Variants in RBMS1 observed in about 807,000 individuals in gnomAD.
The protein encoded by RBMS1 is RNA-binding motif, single-stranded-interacting protein 1.
RBMS1 carries 17 observed loss-of-function variants against 62.3 expected under a neutral mutation model. The ratio of observed to expected loss-of-function variants is 0.27; its 90% CI spans 0.19 to 0.41. The LOEUF is 0.41. Among genes scored for constraint, RBMS1 ranks in the 10% least tolerant of loss-of-function variants. The pLI is 1.00. For synonymous variants in RBMS1, 172 were observed against 170.0 expected (o/e 1.01, Z -0.09); for missense variants, 334 against 504.5 (o/e 0.66, Z 3.24).
At chr2:160,486,892 A>G (rs1273306357) in intron 1 of RBMS1, among the ~76,000 whole-genome samples, 2 of 152,210 alleles carry the variant, frequency 1.3e-5, no homozygotes, top group East Asian at 1.9e-4. Context: ...AGAAATAAAC[A>G]TCATTCCAAA....
intron 1 of RBMS1, among the ~76,000 whole-genome samples, chr2:160,436,407 T>C (rs974551756): frequency 6.6e-6 from 1 of 152,218 alleles, no homozygotes; most frequent in Non-Finnish European, 1.5e-5. Context: ...ACCTTCCTAA[T>C]ATTCTAGCCC....
In RBMS1 at chr2:160,442,473, C is replaced by T. The variant is rs528124540; in HGVS notation, c.75+50816G>A. ...ACATGTAAGTTGTACATGCCCACGC[C>T]ATGCTGATTTTATTTTCTGCTGCAT... On this transcript the variant is annotated intron_variant, in intron 1 of 13. Transcript: ENST00000348849. Among the ~76,000 whole-genome samples, 18 of 152,298 alleles carry T rather than the reference C, an allele frequency of 1.2e-4. No homozygotes were observed. The South Asian group carries it at 3.7e-3, about 32-fold the overall frequency.
chr2:160,352,177 T>C (rs1692553172), intron 2 of RBMS1, among the ~76,000 whole-genome samples: 1 of 152,150 alleles, frequency 6.6e-6, no homozygotes, highest in South Asian at 2.1e-4. Flanking sequence ...AGAGAAGTTC[T>C]GTTTTTCCCA....
At chr2:160,349,103 C>CT (rs2106003162) in intron 2 of RBMS1, among the ~76,000 whole-genome samples, 1 of 152,180 alleles carries the variant, frequency 6.6e-6, no homozygotes, top group South Asian at 2.1e-4. Context: ...TGATGAGTTA[C>CT]TAGTGGTTGT....
At chr2:160,282,862 C>G (rs890715681) in intron 9 of RBMS1, 1 of 152,454 alleles carries the variant, frequency 6.6e-6, no homozygotes, top group Non-Finnish European at 1.5e-5. Flanking sequence ...AGCTCATCCA[C>G]TGACCCTACT....
rs1695575832 is a variant in RBMS1 at position 160,404,170 on chromosome 2, C to T, written c.76-36779G>A. 2.0e-5 allele frequency among the ~76,000 whole-genome samples: 3 copies of T among 152,262 alleles called. No homozygotes were observed. The South Asian group carries it at 6.2e-4, about 32-fold the overall frequency. ...CCAATCATCTTTATTTAGATACTGC[C>T]TACTCGGTTATCACTCCATTCAAAA... is the stretch of plus-strand genomic sequence containing the variant. On this transcript the variant is annotated intron_variant, in intron 1 of 13. Transcript: ENST00000348849.
At position 160,285,730 on chromosome 2, in the gene RBMS1, G is replaced by A. The variant is rs916401146; in HGVS notation, c.757-686C>T. On this transcript the variant is annotated intron_variant, in intron 7 of 13. Transcript: ENST00000348849. ...ATATAAATATTTAGATTACTATTTA[G>A]GATAACTTCTAAATATTATAAATAT... Among the ~76,000 whole-genome samples the A allele has an allele frequency of 5.9e-5, 9 of 151,604 alleles. No homozygotes were observed. The East Asian group carries it at 1.2e-3, about 20-fold the overall frequency.
intron 3 of RBMS1, among the ~76,000 whole-genome samples, chr2:160,316,526 A>G (rs535218224): frequency 2.5e-4 from 37 of 145,100 alleles, no homozygotes; most frequent in African/African-American, 8.9e-4. Flanking sequence ...GTATTGTGAC[A>G]ACATGTTAGA....
chr2:160,344,344 C>CT (rs1230955503), intron 2 of RBMS1, among the ~76,000 whole-genome samples: 5 of 152,138 alleles, frequency 3.3e-5, no homozygotes, highest in Non-Finnish European at 7.4e-5. Flanking sequence ...AGATTAAGCA[C>CT]TTAACTTTCT....
chr2:160,325,061 A>G (rs932262435), intron 2 of RBMS1, among the ~76,000 whole-genome samples: 2 of 151,916 alleles, frequency 1.3e-5, no homozygotes, highest in Non-Finnish European at 2.9e-5. Context: ...TTACACAACT[A>G]AGTAGCAAAG....
chr2:160,493,455 GGCA>G lies in RBMS1; in HGVS notation c.-95_-93del, dbSNP rs1388054295. On this transcript the variant is annotated 5_prime_UTR_variant, in exon 1 of 14. Transcript: ENST00000348849. ...CTGCCTCTCCCTTTCCGGCGGCGGC[GGCA>G]GCGGCGGCGGCGGCGGCGGCTGCTG... The G allele has an allele frequency of 1.4e-5, 18 of 1,266,078 alleles. No homozygotes were observed. In the African/African-American group the frequency reaches 2.1e-4, roughly 15 times the overall value. The allele number at this position is 1,266,078 out of a possible 1,614,324, so 78.4% of individuals were successfully genotyped here. A position where few individuals can be genotyped will look rare whatever the true frequency, so the allele number is the denominator to read the frequency against.
chr2:160,419,153 A>G (rs1252404794), intron 1 of RBMS1, among the ~76,000 whole-genome samples: 2 of 152,180 alleles, frequency 1.3e-5, no homozygotes, highest in Non-Finnish European at 1.5e-5. Context: ...AATATTAAAG[A>G]ATATCATGCT....
intron 1 of RBMS1, among the ~76,000 whole-genome samples, chr2:160,424,378 A>G (rs373712212): frequency 0.013 from 1,821 of 138,618 alleles, 65 homozygotes; most frequent in African/African-American, 0.048. Flanking sequence ...GGGGGGGGGG[A>G]AACAAAAAGA....
At chr2:160,277,490 GA>G in intron 11 of RBMS1, 107 bp from the exon 12 acceptor site, 1 of 810,644 alleles carries the variant, frequency 1.2e-6, no homozygotes, top group Non-Finnish European at 2.1e-6. Context: ...TCTCAAAGAA[GA>G]AATTTAAATG....
intron 1 of RBMS1, among the ~76,000 whole-genome samples, chr2:160,455,885 G>A (rs1216876282): frequency 6.6e-6 from 1 of 151,688 alleles, no homozygotes; most frequent in Non-Finnish European, 1.5e-5. Flanking sequence ...GGGTTTCACC[G>A]TGTTAGCCAG....
At chr2:160,362,073 T>C (rs1250162880) in intron 2 of RBMS1, among the ~76,000 whole-genome samples, 1 of 152,230 alleles carries the variant, frequency 6.6e-6, no homozygotes, top group Admixed American at 6.5e-5. Context: ...TGCTGTTTCA[T>C]AGCATTGAAG....
intron 2 of RBMS1, among the ~76,000 whole-genome samples, chr2:160,319,242 T>G (rs1027007754): frequency 6.6e-6 from 1 of 152,218 alleles, no homozygotes; most frequent in African/African-American, 2.4e-5. Context: ...CTGGGCACGG[T>G]GGCTCACACC....
intron 2 of RBMS1, among the ~76,000 whole-genome samples, chr2:160,332,129 TA>T: frequency 6.6e-6 from 1 of 152,286 alleles, no homozygotes; most frequent in East Asian, 1.9e-4. Context: ...TACTGGTCCT[TA>T]AAATCTAAAA....
chr2:160,443,856 T>C (rs189518999), intron 1 of RBMS1, among the ~76,000 whole-genome samples: 26 of 152,350 alleles, frequency 1.7e-4, no homozygotes, highest in Admixed American at 5.2e-4. Context: ...GTCAATGAAT[T>C]AGGCCACTCT....
Sources: gnomAD v4.1 joint callset for allele counts (sites outside exome capture counted in the v4.1 genomes callset) on GRCh38, gnomAD v4.1.1 for gene constraint, MANE v1.5 for transcripts, NCBI Gene and HGNC (gene_info 2026-07-23, HGNC 2026-07-21) for gene names.